Variants in TXN2 observed in about 807,000 individuals in gnomAD.
The protein encoded by TXN2 is thioredoxin, mitochondrial.
In TXN2, 12 loss-of-function variants were observed where a neutral mutation model predicts 14.6. The observed-to-expected ratio is 0.82, with a 90% CI of 0.53 to 1.33. TXN2 has a LOEUF of 1.33. Among genes scored for constraint, TXN2 ranks in the 40% most tolerant of loss-of-function variants. The pLI is 0.00. For missense variants in TXN2, 173 were observed against 207.7 expected (o/e 0.83, Z 1.03); for synonymous variants, 89 against 81.0 (o/e 1.10, Z -0.53).
chr22:36,467,460 A>C lies in TXN2; in HGVS notation c.*344T>G. 1 of 242,940 alleles carries C rather than the reference A, an allele frequency of 4.1e-6. No homozygotes were observed. The highest frequency in any genetic ancestry group is 8.2e-5 in the South Asian group (1 of 12,166). The allele number at this position is 242,940 out of a possible 1,614,324, so 15.0% of individuals were successfully genotyped here. A position where few individuals can be genotyped will look rare whatever the true frequency, so the allele number is the denominator to read the frequency against. On this transcript the variant is annotated 3_prime_UTR_variant, in exon 4 of 4. Transcript: ENST00000216185. ...GCCAGGCACGAGGTTTCAGATTGGA[A>C]GGGACCAAGATGAGGACCAAGGTGT...
rs1568978428 is a variant in TXN2, at chr22:36,476,851, C to T, written c.269G>A (p.Cys90Tyr). The T allele has an allele frequency of 2.5e-6, 4 of 1,614,106 alleles. No individual in the cohort carries two copies. Among genetic ancestry groups the T allele is most frequent in the Non-Finnish European group, 3.4e-6 (4 of 1,180,046 alleles). The change falls in exon 3 of 4, where the codon TGT (cysteine) becomes TAT (tyrosine). Residue 90 changes from cysteine to tyrosine, a missense_variant. By Grantham distance (194) the Cys-to-Tyr change is radical. Coordinates refer to ENST00000216185, the MANE Select transcript of TXN2 (RefSeq NM_012473.4). Reference protein sequence around the residue: ...PVVVDFHAQWCGPCKILGPRL... With the variant: ...PVVVDFHAQWYGPCKILGPRL... Reference sequence around the variant, plus strand: ...CGGCCCCAGGATCTTGCAGGGTCCACACCACCTCAAAAGGCGAGAAAGGAA... The same window carrying T: ...CGGCCCCAGGATCTTGCAGGGTCCATACCACCTCAAAAGGCGAGAAAGGAA...
chr22:36,479,882 C>CA (rs1404342607), intron 2 of TXN2, among the ~76,000 whole-genome samples: 1 of 139,990 alleles, frequency 7.1e-6, no homozygotes, highest in Non-Finnish European at 1.6e-5. Flanking sequence ...ACACCGATAA[C>CA]TTTTTTTTTT....
intron 3 of TXN2, among the ~76,000 whole-genome samples, chr22:36,474,925 C>G (rs1326618621): frequency 1.3e-5 from 2 of 152,252 alleles, no homozygotes; most frequent in Non-Finnish European, 2.9e-5. Context: ...CTCCAGGCAC[C>G]TGGCCCCTGC....
At chr22:36,471,926 C>A (rs527263034) in intron 3 of TXN2, among the ~76,000 whole-genome samples, 1 of 150,780 alleles carries the variant, frequency 6.6e-6, no homozygotes, top group Non-Finnish European at 1.5e-5. Context: ...GCCGAGATTG[C>A]GCCACTTCAC....
rs1320753281 is a variant in TXN2, at chr22:36,480,667, G to T, written c.171C>A (p.Ile57=). ...NPARTIYTTR[I]SLTTFNIQDG... ...CCTGGATATTAAAGGTTGTCAAGGAGATCCTCGTGGTGTATATTGTCCGGG... is the reference window on the plus strand; with the variant it reads ...CCTGGATATTAAAGGTTGTCAAGGATATCCTCGTGGTGTATATTGTCCGGG... The change falls in exon 2 of 4, where the codon ATC becomes ATA. Residue 57 remains isoleucine (I), a synonymous_variant. Transcript: ENST00000216185. 6.2e-7 allele frequency: 1 copy of T among 1,614,196 alleles called. No individual in the cohort carries two copies. The highest frequency in any genetic ancestry group is 1.1e-5 in the South Asian group (1 of 91,080).
intron 3 of TXN2, among the ~76,000 whole-genome samples, chr22:36,476,189 G>A (rs1248370950): frequency 2.6e-5 from 4 of 152,138 alleles, no homozygotes; most frequent in African/African-American, 9.7e-5. Context: ...CTAAGTGAAT[G>A]ACCTGGTGTT....
At chr22:36,481,075 T>C in intron 1 of TXN2, 1 of 448,062 alleles carries the variant, frequency 2.2e-6, no homozygotes, top group Non-Finnish European at 3.9e-6. Flanking sequence ...AAATCGGGAT[T>C]TAGATTATAA....
At chr22:36,476,618 A>G (rs1933391417) in intron 3 of TXN2, 115 bp downstream of exon 3, 1 of 1,452,848 alleles carries the variant, frequency 6.9e-7, no homozygotes. Flanking sequence ...GGAAAAACCA[A>G]GACACCTTGC....
chr22:36,481,006 A>C (rs1303251907), intron 1 of TXN2, 169 bp from the exon 2 acceptor site: 3 of 732,606 alleles, frequency 4.1e-6, no homozygotes, highest in Non-Finnish European at 4.0e-6. Flanking sequence ...TGAGAATCAA[A>C]GGGAAGGAAC....
At chr22:36,481,013 G>C in intron 1 of TXN2, 176 bp from the exon 2 acceptor site, 1 of 639,102 alleles carries the variant, frequency 1.6e-6, no homozygotes, top group East Asian at 3.1e-5. Context: ...CAAAGGGAAG[G>C]AACAGCTAGG....
At chr22:36,467,999 G>C in intron 3 of TXN2, 82 bp from the exon 4 acceptor site, 1 of 1,249,770 alleles carries the variant, frequency 8.0e-7, no homozygotes, top group East Asian at 2.3e-5. Context: ...TGTGGGGAAG[G>C]CTGGTGGCTT....
chr22:36,472,428 C>A (rs1390764916), intron 3 of TXN2, among the ~76,000 whole-genome samples: 1 of 152,122 alleles, frequency 6.6e-6, no homozygotes, highest in Non-Finnish European at 1.5e-5. Context: ...CCTATGTAAA[C>A]TTTTGGCTTT....
At chr22:36,479,334 C>CTT (rs773194867) in intron 2 of TXN2, among the ~76,000 whole-genome samples, 6 of 139,412 alleles carry the variant, frequency 4.3e-5, no homozygotes, top group Admixed American at 7.2e-5. Flanking sequence ...ATTTCTTTTT[C>CTT]TTTTTTTTTT....
intron 3 of TXN2, chr22:36,468,461 T>C: frequency 3.3e-6 from 1 of 306,482 alleles, no homozygotes; most frequent in South Asian, 2.5e-5. Flanking sequence ...CAGTGGCTTA[T>C]ATCTATAATC....
chr22:36,475,134 T>C (rs1236484714), intron 3 of TXN2, among the ~76,000 whole-genome samples: 1 of 152,188 alleles, frequency 6.6e-6, no homozygotes, highest in East Asian at 1.9e-4. Context: ...TCCCAGCACT[T>C]TGGGAGGCCA....
At position 36,476,725 on chromosome 22, in the gene TXN2, A is replaced by G. The variant is rs772385603; in HGVS notation, c.387+8T>C. On this transcript the variant is annotated splice_region_variant and intron_variant, in intron 3 of 3. Transcript: ENST00000216185. ...GCTTCCCTGTGGCAACTCCCTGTCAATCCATACCTCATACTCAATGGCGAG... is the reference window on the plus strand; with the variant it reads ...GCTTCCCTGTGGCAACTCCCTGTCAGTCCATACCTCATACTCAATGGCGAG... 6 of 1,614,054 alleles carry G rather than the reference A, an allele frequency of 3.7e-6. No homozygotes were observed. In the Admixed American group the frequency reaches 8.3e-5, roughly 22 times the overall value.
chr22:36,467,689 A>T lies in TXN2; in HGVS notation c.*115T>A. 1.1e-6 allele frequency: 1 copy of T among 900,450 alleles called. No individual in the cohort carries two copies. The highest frequency in any genetic ancestry group is 1.8e-6 in the Non-Finnish European group (1 of 561,504). The allele number at this position is 900,450 out of a possible 1,614,324, so 55.8% of individuals were successfully genotyped here. On this transcript the variant is annotated 3_prime_UTR_variant, in exon 4 of 4. Coordinates refer to ENST00000216185, the MANE Select transcript of TXN2 (RefSeq NM_012473.4). ...CACTCAGGGCTGGAGCCTGGGCTCT[A>T]AGCATGGGCCCCAGGAGCCAGACAG...
chr22:36,469,458 C>T (rs1225563712), intron 3 of TXN2, among the ~76,000 whole-genome samples: 1 of 152,212 alleles, frequency 6.6e-6, no homozygotes, highest in East Asian at 1.9e-4. Flanking sequence ...TGGCCATACA[C>T]AACCTGACGC....
Position 36,476,791 on chromosome 22 carries a change from T to G in TXN2, c.329A>C (p.Lys110Thr), listed in dbSNP as rs1254276601. 3 of 1,614,172 alleles carry G rather than the reference T, an allele frequency of 1.9e-6. No individual in the cohort carries two copies. The highest frequency in any genetic ancestry group is 2.7e-5 in the African/African-American group (2 of 75,042). Residue 110 changes from lysine (K) to threonine (T), a missense_variant, in exon 3 of 4, where the codon AAG becomes ACG. Transcript: ENST00000216185. ...LEKMVAKQHG[K>T]VVMAKVDIDD... ...AATATCCACCTTGGCCATCACCACC[T>G]TCCCGTGCTGCTTGGCCACCATCTT...
Sources: allele counts gnomAD v4.1 joint callset (sites outside exome capture counted in the v4.1 genomes callset), GRCh38; gene constraint gnomAD v4.1.1; transcripts MANE v1.5; gene names NCBI Gene and HGNC (gene_info 2026-07-23, HGNC 2026-07-21).